ADGRL3: variants seen among roughly 807,000 people sequenced by gnomAD.
The protein encoded by ADGRL3 is calcium-independent alpha-latrotoxin receptor 3.
Under a neutral mutation model 153.5 loss-of-function variants are expected in ADGRL3, and 62 were observed. That is an observed-to-expected ratio of 0.40 (90% CI 0.33 to 0.50). The LOEUF is 0.50. ADGRL3 is among the 20% of genes least tolerant of loss of function. The pLI is 0.47. For missense variants in ADGRL3, 1,641 were observed against 1,859.4 expected (o/e 0.88, Z 2.16); for synonymous variants, 710 against 672.5 (o/e 1.06, Z -0.86).
intron 4 of ADGRL3, among the ~76,000 whole-genome samples, chr4:61,564,451 T>A (rs1400291908): frequency 6.6e-6 from 1 of 152,110 alleles, no homozygotes; most frequent in Non-Finnish European, 1.5e-5. Context: ...ATTTCTGTAT[T>A]TTTTGTAGAG....
intron 8 of ADGRL3, among the ~76,000 whole-genome samples, chr4:61,749,114 C>T (rs1269275392): frequency 6.6e-6 from 1 of 152,116 alleles, no homozygotes; most frequent in South Asian, 2.1e-4. Context: ...AAAAAATGCT[C>T]ACCATCACTG....
At chr4:61,400,049 A>T (rs192580485) in intron 2 of ADGRL3, among the ~76,000 whole-genome samples, 9 of 151,818 alleles carry the variant, frequency 5.9e-5, no homozygotes, top group African/African-American at 2.2e-4. Flanking sequence ...AAGAGAGCAT[A>T]TATTTCCTTA....
Position 61,683,257 on chromosome 4 carries a change from C to T in ADGRL3, c.583+6322C>T, listed in dbSNP as rs1338992227. On this transcript the variant is annotated intron_variant, in intron 6 of 26. Coordinates refer to ENST00000683033, the MANE Select transcript of ADGRL3 (RefSeq NM_001387552.1). Reference sequence around the variant, plus strand: ...CCTCCAGAGTAGCTAGGACTGTAGGCACATGCCACCACACCCAACTAATTT... The same window carrying T: ...CCTCCAGAGTAGCTAGGACTGTAGGTACATGCCACCACACCCAACTAATTT... 8.5e-5 allele frequency among the ~76,000 whole-genome samples: 13 copies of T among 152,126 alleles called. No individual in the cohort carries two copies. In the East Asian group the frequency reaches 1.4e-3, roughly 16 times the overall value.
intron 8 of ADGRL3, among the ~76,000 whole-genome samples, chr4:61,793,172 C>A (rs1292615787): frequency 6.6e-6 from 1 of 152,008 alleles, no homozygotes; most frequent in Non-Finnish European, 1.5e-5. Flanking sequence ...TGCCTGTAAT[C>A]CCAGCAATTT....
At chr4:62,037,427 G>A (rs996309370) in intron 23 of ADGRL3, among the ~76,000 whole-genome samples, 2 of 152,012 alleles carry the variant, frequency 1.3e-5, no homozygotes, top group Non-Finnish European at 2.9e-5. Context: ...TCTTCAATGG[G>A]CTTAAGTATA....
intron 2 of ADGRL3, among the ~76,000 whole-genome samples, chr4:61,413,245 G>T (rs1325950231): frequency 1.3e-5 from 2 of 152,144 alleles, no homozygotes; most frequent in East Asian, 3.9e-4. Context: ...GGGTATGAGT[G>T]CCTTGTTACC....
chr4:61,682,283 T>G (rs2095353515), intron 6 of ADGRL3, among the ~76,000 whole-genome samples: 1 of 151,908 alleles, frequency 6.6e-6, no homozygotes, highest in African/African-American at 2.4e-5. Context: ...TTTTTTAGAA[T>G]TATATTTATA....
In ADGRL3 at chr4:61,581,975, T is replaced by A. The variant is rs534991025; in HGVS notation, c.260-5252T>A. Among the ~76,000 whole-genome samples, 17 of 152,200 alleles carry A rather than the reference T, an allele frequency of 1.1e-4. No individual in the cohort carries two copies. In the East Asian group the frequency reaches 3.3e-3, roughly 30 times the overall value. On this transcript the variant is annotated intron_variant, in intron 4 of 26. Transcript: ENST00000683033. ...TCTTATTGATTCTTTTGTAAAAAATTATTTGATAGATTTCTTGTTGTTTTG... is the reference window on the plus strand; with the variant it reads ...TCTTATTGATTCTTTTGTAAAAAATAATTTGATAGATTTCTTGTTGTTTTG...
At chr4:61,981,163 A>G (rs1205364760) in intron 18 of ADGRL3, among the ~76,000 whole-genome samples, 1 of 152,158 alleles carries the variant, frequency 6.6e-6, no homozygotes, top group Non-Finnish European at 1.5e-5. Context: ...GGAACTACAT[A>G]TTGTCATTAT....
At chr4:61,704,290 G>T (rs570196228) in intron 6 of ADGRL3, among the ~76,000 whole-genome samples, 2 of 152,198 alleles carry the variant, frequency 1.3e-5, no homozygotes, top group South Asian at 4.1e-4. Flanking sequence ...TGCTGGTTTA[G>T]TTCCAGATCA....
chr4:61,674,660 A>G (rs2095126383), intron 5 of ADGRL3, among the ~76,000 whole-genome samples: 1 of 151,864 alleles, frequency 6.6e-6, no homozygotes, highest in Non-Finnish European at 1.5e-5. Flanking sequence ...TAATTTTTCT[A>G]TAACAAATAC....
intron 5 of ADGRL3, among the ~76,000 whole-genome samples, chr4:61,641,939 C>T (rs200746900): frequency 0.027 from 4,048 of 148,870 alleles, 149 homozygotes; most frequent in East Asian, 0.14. Context: ...CACATCCTCT[C>T]CAGCACCTGT....
chr4:61,783,846 G>A (rs2152395988), intron 8 of ADGRL3, among the ~76,000 whole-genome samples: 1 of 152,100 alleles, frequency 6.6e-6, no homozygotes, highest in South Asian at 2.1e-4. Flanking sequence ...TTATTTAAAT[G>A]AGATATTTAG....
chr4:61,702,416 A>G (rs2095783844), intron 6 of ADGRL3, among the ~76,000 whole-genome samples: 2 of 152,228 alleles, frequency 1.3e-5, no homozygotes, highest in South Asian at 2.1e-4. Flanking sequence ...ACTTTTGCAC[A>G]TGAACAAAAC....
At chr4:61,604,412 A>G (rs1455203383) in intron 5 of ADGRL3, among the ~76,000 whole-genome samples, 3 of 152,214 alleles carry the variant, frequency 2.0e-5, no homozygotes, top group African/African-American at 7.2e-5. Flanking sequence ...TAAAATGCCT[A>G]TAAAAGGTGC....
intron 1 of ADGRL3, among the ~76,000 whole-genome samples, chr4:61,364,951 C>A (rs1490143755): frequency 6.6e-6 from 1 of 152,066 alleles, no homozygotes; most frequent in Non-Finnish European, 1.5e-5. Flanking sequence ...CTTAAAAGTT[C>A]TAACAATTGT....
At chr4:61,367,998 G>C (rs1263374119) in intron 1 of ADGRL3, among the ~76,000 whole-genome samples, 1 of 151,458 alleles carries the variant, frequency 6.6e-6, no homozygotes, top group African/African-American at 2.4e-5. Context: ...GTGATGGTGA[G>C]CATTTTTTCA....
intron 4 of ADGRL3, among the ~76,000 whole-genome samples, chr4:61,550,658 TA>T (rs34156288): frequency 0.21 from 31,188 of 151,494 alleles, 3,422 homozygotes; most frequent in Non-Finnish European, 0.24. Context: ...AAGATTTTCT[TA>T]AAAAAATTAT....
At chr4:61,459,850 G>T (rs2097790141) in intron 2 of ADGRL3, among the ~76,000 whole-genome samples, 1 of 151,980 alleles carries the variant, frequency 6.6e-6, no homozygotes, top group South Asian at 2.1e-4. Flanking sequence ...AAAACTTCTG[G>T]ATCATTTTTG....
Sources: gnomAD v4.1 joint callset for allele counts (sites outside exome capture counted in the v4.1 genomes callset) on GRCh38, gnomAD v4.1.1 for gene constraint, MANE v1.5 for transcripts, NCBI Gene and HGNC (gene_info 2026-07-23, HGNC 2026-07-21) for gene names.